HDAC9: variants seen among roughly 807,000 people sequenced by gnomAD.
HDAC9 encodes MEF-2 interacting transcription repressor (MITR) protein.
In HDAC9, 41 loss-of-function variants were observed where a neutral mutation model predicts 139.4. The observed-to-expected ratio is 0.29, with a 90% CI of 0.23 to 0.38. The LOEUF is 0.38. Ranked by LOEUF, HDAC9 falls within the 10% of genes least tolerant of loss-of-function variation. The probability of loss-of-function intolerance (pLI) is 1.00; values close to 1 mark genes in which losing one functional copy is unlikely to be tolerated. For synonymous variants in HDAC9, 517 were observed against 476.2 expected, an observed-to-expected ratio of 1.09 and a Z score of -1.12; for missense variants, 1,147 against 1,297.0, an observed-to-expected ratio of 0.88 and a Z score of 1.78.
At chr7:18,815,790 T>C (rs1365726971) in intron 17 of HDAC9, among the ~76,000 whole-genome samples, 4 of 152,262 alleles carry the variant, frequency 2.6e-5, no homozygotes, top group African/African-American at 9.6e-5. Flanking sequence ...TCCCTTGAGC[T>C]GGCTCAAAGA....
At chr7:18,588,918 G>A (rs1830172550) in intron 3 of HDAC9, among the ~76,000 whole-genome samples, 1 of 151,990 alleles carries the variant, frequency 6.6e-6, no homozygotes, top group Admixed American at 6.5e-5. Flanking sequence ...GGAGCATTTA[G>A]GATTTTGGAT....
At chr7:18,368,438 A>C (rs1240975315) in intron 1 of HDAC9, among the ~76,000 whole-genome samples, 1 of 151,994 alleles carries the variant, frequency 6.6e-6, no homozygotes, top group Non-Finnish European at 1.5e-5. Context: ...CTTATATATC[A>C]AACATGCTGT....
intron 12 of HDAC9, among the ~76,000 whole-genome samples, chr7:18,680,932 A>G (rs1341065681): frequency 1.3e-5 from 2 of 152,092 alleles, no homozygotes; most frequent in Non-Finnish European, 2.9e-5. Context: ...TTTACAAAAA[A>G]GGATGACATT....
chr7:18,715,878 C>A (rs565678978), intron 12 of HDAC9, among the ~76,000 whole-genome samples: 35 of 152,134 alleles, frequency 2.3e-4, no homozygotes, highest in Non-Finnish European at 2.6e-4. Context: ...GATGCACACT[C>A]TCATATAATT....
chr7:18,610,076 A>G (rs1383832163), intron 6 of HDAC9, among the ~76,000 whole-genome samples: 1 of 152,158 alleles, frequency 6.6e-6, no homozygotes, highest in Non-Finnish European at 1.5e-5. Context: ...GTAATAAATC[A>G]TGCTGCTATA....
intron 1 of HDAC9, among the ~76,000 whole-genome samples, chr7:18,140,282 A>G (rs931283916): frequency 6.6e-6 from 1 of 152,174 alleles, no homozygotes; most frequent in Non-Finnish European, 1.5e-5. Context: ...CAACAGGGAT[A>G]TGGCCTCCAT....
At chr7:18,307,717 C>T (rs62449148) in intron 1 of HDAC9, among the ~76,000 whole-genome samples, 32,532 of 151,972 alleles carry the variant, frequency 0.21, 3,625 homozygotes, top group Middle Eastern at 0.24. Flanking sequence ...ACAGGAGAAT[C>T]CCTTGAGCCC....
chr7:18,448,288 A>G (rs1792482353), intron 1 of HDAC9, among the ~76,000 whole-genome samples: 1 of 152,222 alleles, frequency 6.6e-6, no homozygotes, highest in African/African-American at 2.4e-5. Context: ...CTAAGACCAA[A>G]GAGTAGATGT....
intron 2 of HDAC9, among the ~76,000 whole-genome samples, chr7:18,236,409 C>T (rs1044584114): frequency 1.3e-5 from 2 of 152,112 alleles, no homozygotes; most frequent in African/African-American, 4.8e-5. Flanking sequence ...GTGTCTTATT[C>T]CAAGTTGACA....
intron 2 of HDAC9, among the ~76,000 whole-genome samples, chr7:18,186,347 C>A (rs1295674322): frequency 1.3e-5 from 2 of 152,250 alleles, no homozygotes; most frequent in African/African-American, 2.4e-5. Context: ...AACTGAGCAA[C>A]AGGTTTTTCT....
chr7:18,222,273 T>A (rs1792756383), intron 2 of HDAC9, among the ~76,000 whole-genome samples: 1 of 152,200 alleles, frequency 6.6e-6, no homozygotes, highest in Non-Finnish European at 1.5e-5. Context: ...TTTTCTTTAT[T>A]CTTTTATAAG....
chr7:18,995,908 A>G (rs1786425302), intron 25 of HDAC9, 115 bp from the exon 26 acceptor site: 2 of 710,858 alleles, frequency 2.8e-6, no homozygotes, highest in African/African-American at 1.8e-5. Flanking sequence ...GGATAACTGA[A>G]TAACACAAAT....
At chr7:18,304,358 A>G (rs1192643484) in intron 1 of HDAC9, among the ~76,000 whole-genome samples, 3 of 152,350 alleles carry the variant, frequency 2.0e-5, no homozygotes, top group East Asian at 3.9e-4. Flanking sequence ...TAAAAAGCTC[A>G]GACTACCAGA....
intron 2 of HDAC9, among the ~76,000 whole-genome samples, chr7:18,192,982 G>A (rs1790461242): frequency 6.6e-6 from 1 of 152,116 alleles, no homozygotes; most frequent in Admixed American, 6.6e-5. Context: ...ATTTGAGTGG[G>A]TCTCCTTGAG....
At chr7:18,203,630 T>A (rs1791291871) in intron 2 of HDAC9, among the ~76,000 whole-genome samples, 1 of 152,206 alleles carries the variant, frequency 6.6e-6, no homozygotes, top group Non-Finnish European at 1.5e-5. Flanking sequence ...AGTTTTACTT[T>A]AGTTTGTATA....
intron 13 of HDAC9, among the ~76,000 whole-genome samples, chr7:18,743,796 C>G (rs892005542): frequency 1.3e-5 from 2 of 151,830 alleles, no homozygotes; most frequent in African/African-American, 4.8e-5. Flanking sequence ...GAAATAGTAA[C>G]AGCCACTATG....
At chr7:18,821,047 C>G (rs964734316) in intron 17 of HDAC9, among the ~76,000 whole-genome samples, 1 of 152,182 alleles carries the variant, frequency 6.6e-6, no homozygotes, top group African/African-American at 2.4e-5. Flanking sequence ...TGAGGTCTTT[C>G]TCTGCCTCCA....
chr7:18,249,716 C>T (rs1233964864), intron 2 of HDAC9, among the ~76,000 whole-genome samples: 3 of 151,898 alleles, frequency 2.0e-5, no homozygotes, highest in Non-Finnish European at 4.4e-5. Context: ...TGGGAGAGAA[C>T]ACCAATTAAA....
intron 1 of HDAC9, among the ~76,000 whole-genome samples, chr7:18,139,603 G>A (rs1013090289): frequency 6.6e-6 from 1 of 152,114 alleles, no homozygotes; most frequent in Non-Finnish European, 1.5e-5. Context: ...CCTCTAGTAG[G>A]CTGAATAATG....
Sources: gnomAD v4.1 joint callset for allele counts (sites outside exome capture counted in the v4.1 genomes callset) on GRCh38, gnomAD v4.1.1 for gene constraint, MANE v1.5 for transcripts, NCBI Gene and HGNC (gene_info 2026-07-23, HGNC 2026-07-21) for gene names.